FAM178B: variants seen among roughly 807,000 people sequenced by gnomAD.
FAM178B encodes protein FAM178B.
Under a neutral mutation model 91.7 loss-of-function variants are expected in FAM178B, and 82 were observed. That is an observed-to-expected ratio of 0.89 (90% CI 0.75 to 1.07). The LOEUF (loss-of-function observed/expected upper bound fraction) is 1.07, where lower values mean the gene tolerates loss of function less well. Ranked by LOEUF, FAM178B falls within the 50% of genes least tolerant of loss-of-function variation. The pLI is 0.00. For synonymous variants in FAM178B, 368 were observed against 359.4 expected (o/e 1.02, Z -0.27); for missense variants, 769 against 846.7 (o/e 0.91, Z 1.14).
intron 14 of FAM178B, among the ~76,000 whole-genome samples, chr2:96,886,423 G>A (rs1281806514): frequency 1.3e-5 from 2 of 152,200 alleles, no homozygotes; most frequent in Admixed American, 6.5e-5. Context: ...GGAGACCCAG[G>A]TAGAGTGTTA....
In FAM178B at chr2:96,976,949, C is replaced by G. The variant is rs935492705; in HGVS notation, c.74-4343G>C. Among the ~76,000 whole-genome samples the G allele has an allele frequency of 3.2e-4, 48 of 151,970 alleles. 2 individuals carry two copies. On this transcript the variant is annotated intron_variant, in intron 1 of 16. Transcript: ENST00000490605. ...TGGTTCACACCTGTAATCCCCAGCACTTTGGGAGGCCAAGGTGAGTGGATC... is the reference window on the plus strand; with the variant it reads ...TGGTTCACACCTGTAATCCCCAGCAGTTTGGGAGGCCAAGGTGAGTGGATC...
intron 1 of FAM178B, among the ~76,000 whole-genome samples, chr2:96,977,092 C>T (rs539990384): frequency 2.5e-4 from 35 of 141,566 alleles, no homozygotes; most frequent in African/African-American, 8.4e-4. Context: ...CTACTCGGGA[C>T]GCTGAAGCAG....
intron 6 of FAM178B, among the ~76,000 whole-genome samples, chr2:96,952,205 G>T (rs937255624): frequency 1.3e-5 from 2 of 152,190 alleles, no homozygotes; most frequent in Non-Finnish European, 2.9e-5. Context: ...AGCGTCTCGC[G>T]ATCTGGTTAC....
rs1432197245 is a variant in FAM178B, at chr2:96,978,140, C to T, written c.74-5534G>A. On this transcript the variant is annotated intron_variant, in intron 1 of 16. Coordinates refer to ENST00000490605, the MANE Select transcript of FAM178B (RefSeq NM_001122646.3). The stretch of plus-strand genomic sequence containing the variant: ...GTGCACGGAAGTCGTCTCATCTCAG[C>T]ATCCTAGCACTCAGCCCATGGCCTG... 3.9e-5 allele frequency among the ~76,000 whole-genome samples: 6 copies of T among 152,220 alleles called. No individual in the cohort carries two copies. The South Asian group carries it at 1.2e-3, about 32-fold the overall frequency.
At chr2:96,901,786 G>A (rs2080937850) in intron 13 of FAM178B, among the ~76,000 whole-genome samples, 1 of 151,930 alleles carries the variant, frequency 6.6e-6, no homozygotes. Context: ...CTTAGAAATG[G>A]CTGAAACACT....
chr2:96,951,984 G>A, intron 6 of FAM178B: 1 of 160,848 alleles, frequency 6.2e-6, no homozygotes, highest in Non-Finnish European at 1.4e-5. Context: ...TCATGCCACT[G>A]CACTCCAGCC....
chr2:96,967,025 G>A (rs1269298442), intron 5 of FAM178B, among the ~76,000 whole-genome samples: 1 of 152,134 alleles, frequency 6.6e-6, no homozygotes, highest in African/African-American at 2.4e-5. Flanking sequence ...CCCTGAAGAT[G>A]GATTCGGTTG....
intron 1 of FAM178B, among the ~76,000 whole-genome samples, chr2:96,974,179 G>A (rs559692558): frequency 3.3e-5 from 5 of 151,528 alleles, no homozygotes; most frequent in African/African-American, 9.7e-5. Flanking sequence ...TCAGGAGATC[G>A]AGACCATCCT....
chr2:96,911,541 C>T (rs1482695194), intron 12 of FAM178B, among the ~76,000 whole-genome samples: 2 of 152,208 alleles, frequency 1.3e-5, no homozygotes, highest in South Asian at 2.1e-4. Flanking sequence ...GCATTTCACC[C>T]TGAGGGGGAA....
At chr2:96,956,030 C>A (rs1426151051) in intron 6 of FAM178B, among the ~76,000 whole-genome samples, 1 of 152,162 alleles carries the variant, frequency 6.6e-6, no homozygotes, top group Non-Finnish European at 1.5e-5. Context: ...GGTCCTCGCA[C>A]CAACAGTGGC....
chr2:96,902,738 T>C (rs1330375514), intron 12 of FAM178B, 31 bp from the exon 13 acceptor site: 3 of 1,522,234 alleles, frequency 2.0e-6, no homozygotes, highest in Admixed American at 2.0e-5. Context: ...TGAGAGAGGG[T>C]GTGCTGGAAG....
At chr2:96,968,453 C>T (rs1421242609) in intron 4 of FAM178B, among the ~76,000 whole-genome samples, 1 of 152,090 alleles carries the variant, frequency 6.6e-6, no homozygotes, top group East Asian at 1.9e-4. Context: ...TGGGAGCCTC[C>T]CCAGCCCCTG....
At chr2:96,911,633 G>A (rs922766895) in intron 12 of FAM178B, among the ~76,000 whole-genome samples, 5 of 152,234 alleles carry the variant, frequency 3.3e-5, no homozygotes, top group Admixed American at 6.5e-5. Context: ...AGCACAAGGT[G>A]GAGCTGGTGG....
chr2:96,985,817 G>C (rs2082416059), intron 1 of FAM178B, among the ~76,000 whole-genome samples: 1 of 152,210 alleles, frequency 6.6e-6, no homozygotes, highest in Non-Finnish European at 1.5e-5. Context: ...GAAAGGAGAT[G>C]CGTTCTACCC....
chr2:96,916,824 CCAGT>C (rs1222455644), intron 12 of FAM178B, among the ~76,000 whole-genome samples: 1 of 152,216 alleles, frequency 6.6e-6, no homozygotes, highest in Non-Finnish European at 1.5e-5. Context: ...TTGTGCTTAA[CCAGT>C]CAGTCGAGCA....
chr2:96,971,040 C>A (rs548315430), intron 3 of FAM178B, among the ~76,000 whole-genome samples: 1 of 151,920 alleles, frequency 6.6e-6, no homozygotes, highest in Non-Finnish European at 1.5e-5. Context: ...AGACACTTCA[C>A]ACAGAGACAG....
chr2:96,933,768 A>G (rs2081580726), intron 8 of FAM178B, among the ~76,000 whole-genome samples: 1 of 152,112 alleles, frequency 6.6e-6, no homozygotes, highest in Non-Finnish European at 1.5e-5. Context: ...CCTGAATCCG[A>G]GATACCACAG....
chr2:96,878,425 T>C lies in FAM178B; in HGVS notation c.1845A>G (p.Pro615=). ...CCCTTGGGAGACTCACCCACTGGTC[T>C]GGAGTGATGTCCTGGCAGCTAACAA... ...GVVVSCQDIT[P]DQWGELQLLC... The change falls in exon 15 of 17, where the codon CCA becomes CCG. Residue 615 remains proline (P), a synonymous_variant. Transcript: ENST00000490605. 1 of 1,613,886 alleles carries C rather than the reference T, an allele frequency of 6.2e-7. No homozygotes were observed. Among genetic ancestry groups the C allele is most frequent in the Non-Finnish European group, 8.5e-7 (1 of 1,179,964 alleles).
At chr2:96,958,964 G>T (rs2082042070) in intron 6 of FAM178B, among the ~76,000 whole-genome samples, 2 of 151,786 alleles carry the variant, frequency 1.3e-5, no homozygotes, top group African/African-American at 4.8e-5. Flanking sequence ...ACTTTGGGAG[G>T]CCGAGGTGGG....
Sources: gnomAD v4.1 joint callset for allele counts (sites outside exome capture counted in the v4.1 genomes callset) on GRCh38, gnomAD v4.1.1 for gene constraint, MANE v1.5 for transcripts, NCBI Gene and HGNC (gene_info 2026-07-23, HGNC 2026-07-21) for gene names.